Variants in ANGPT1 observed in about 807,000 individuals in gnomAD.
The protein encoded by ANGPT1 is angiopoietin-1.
Under a neutral mutation model 62.2 loss-of-function variants are expected in ANGPT1, and 17 were observed. The ratio of observed to expected loss-of-function variants is 0.27; its 90% CI spans 0.19 to 0.41. The LOEUF (loss-of-function observed/expected upper bound fraction) is 0.41. ANGPT1 is among the 10% of genes least tolerant of loss of function. The probability of loss-of-function intolerance (pLI) is 1.00; values close to 1 mark genes in which losing one functional copy is unlikely to be tolerated. For synonymous variants in ANGPT1, 199 were observed against 198.9 expected (o/e 1.00, Z 0.00); for missense variants, 478 against 594.9 (o/e 0.80, Z 2.04).
chr8:107,418,264 T>A (rs564733051), intron 1 of ANGPT1, among the ~76,000 whole-genome samples: 46 of 152,334 alleles, frequency 3.0e-4, no homozygotes, highest in Non-Finnish European at 6.3e-4. Flanking sequence ...GTCACCATTT[T>A]ACCATTTTCC....
intron 1 of ANGPT1, among the ~76,000 whole-genome samples, chr8:107,467,968 G>A (rs74590020): frequency 3.3e-5 from 5 of 152,242 alleles, no homozygotes; most frequent in Admixed American, 1.3e-4. Context: ...TGCTCGGAAA[G>A]AGCAAGTTAC....
intron 1 of ANGPT1, among the ~76,000 whole-genome samples, chr8:107,366,308 C>T (rs1816271911): frequency 6.6e-6 from 1 of 152,118 alleles, no homozygotes; most frequent in Non-Finnish European, 1.5e-5. Context: ...GATTAGAAGT[C>T]AGTCTTTTCT....
intron 7 of ANGPT1, among the ~76,000 whole-genome samples, chr8:107,269,844 C>A (rs185184485): frequency 6.6e-6 from 1 of 151,684 alleles, no homozygotes; most frequent in Non-Finnish European, 1.5e-5. Flanking sequence ...GTCCCTTCGA[C>A]GGATGACTAT....
At chr8:107,284,560 C>CAA in intron 7 of ANGPT1, 122 bp downstream of exon 7, 19 of 876,022 alleles carry the variant, frequency 2.2e-5, no homozygotes, top group East Asian at 3.5e-5. Context: ...TAGGTCTAGA[C>CAA]AAAAAAAAAA....
At chr8:107,342,624 C>T (rs1815717332) in intron 2 of ANGPT1, among the ~76,000 whole-genome samples, 1 of 152,242 alleles carries the variant, frequency 6.6e-6, no homozygotes, top group East Asian at 1.9e-4. Context: ...CCATAGGCTG[C>T]TGAGCCCTAT....
intron 2 of ANGPT1, among the ~76,000 whole-genome samples, chr8:107,338,729 G>A (rs964346933): frequency 6.6e-6 from 1 of 152,176 alleles, no homozygotes; most frequent in African/African-American, 2.4e-5. Flanking sequence ...TATAAATATT[G>A]GAGATGCACA....
intron 1 of ANGPT1, among the ~76,000 whole-genome samples, chr8:107,480,464 A>G (rs1183897788): frequency 1.3e-5 from 2 of 152,216 alleles, no homozygotes; most frequent in Non-Finnish European, 2.9e-5. Flanking sequence ...TATGGGGACA[A>G]TGCTCCAAAG....
intron 5 of ANGPT1, among the ~76,000 whole-genome samples, chr8:107,300,021 G>C (rs867919773): frequency 7.3e-6 from 1 of 136,978 alleles, no homozygotes; most frequent in African/African-American, 2.7e-5. Flanking sequence ...ATCTAGATAT[G>C]TAGTTATATC....
chr8:107,406,204 GTTCT>G (rs937154726), intron 1 of ANGPT1, among the ~76,000 whole-genome samples: 2 of 151,570 alleles, frequency 1.3e-5, no homozygotes, highest in Non-Finnish European at 3.0e-5. Context: ...TCTTCATCAT[GTTCT>G]TTGTCTTTTT....
intron 4 of ANGPT1, among the ~76,000 whole-genome samples, chr8:107,306,808 G>T (rs60901467): frequency 0.017 from 2,615 of 152,122 alleles, 71 homozygotes; most frequent in African/African-American, 0.058. Flanking sequence ...GTTTTGGGAG[G>T]TAGAGGCAGG....
intron 1 of ANGPT1, among the ~76,000 whole-genome samples, chr8:107,485,424 A>G (rs1202483060): frequency 6.6e-6 from 1 of 152,158 alleles, no homozygotes; most frequent in African/African-American, 2.4e-5. Context: ...AATTTAGGGT[A>G]GCTTAGAGCC....
At chr8:107,408,789 G>T (rs980132718) in intron 1 of ANGPT1, among the ~76,000 whole-genome samples, 2 of 152,138 alleles carry the variant, frequency 1.3e-5, no homozygotes, top group Non-Finnish European at 2.9e-5. Context: ...GGCTTTAGAG[G>T]CTTGGCTAAT....
intron 7 of ANGPT1, among the ~76,000 whole-genome samples, chr8:107,268,865 GAT>G (rs1425047275): frequency 6.6e-6 from 1 of 151,982 alleles, no homozygotes; most frequent in Non-Finnish European, 1.5e-5. Context: ...AGAAGGGACT[GAT>G]ATATTGAGGA....
intron 1 of ANGPT1, among the ~76,000 whole-genome samples, chr8:107,408,109 A>G (rs1563609283): frequency 6.6e-6 from 1 of 151,952 alleles, no homozygotes; most frequent in East Asian, 1.9e-4. Context: ...GTCAGGCCCA[A>G]TTAGATATAG....
chr8:107,424,820 T>C (rs896753502), intron 1 of ANGPT1, among the ~76,000 whole-genome samples: 12 of 152,248 alleles, frequency 7.9e-5, no homozygotes, highest in African/African-American at 2.7e-4. Context: ...AATTCATATA[T>C]TTGTTATACA....
chr8:107,396,573 G>A (rs1335762510), intron 1 of ANGPT1, among the ~76,000 whole-genome samples: 5 of 128,410 alleles, frequency 3.9e-5, no homozygotes, highest in African/African-American at 1.5e-4. Flanking sequence ...CCAGGCTAGA[G>A]TGCACACCAT....
chr8:107,273,605 T>C (rs911877991), intron 7 of ANGPT1, among the ~76,000 whole-genome samples: 1 of 152,010 alleles, frequency 6.6e-6, no homozygotes, highest in African/African-American at 2.4e-5. Context: ...TGTGTCCACA[T>C]TGCTCCTCTG....
chr8:107,356,050 C>T (rs971813919), intron 1 of ANGPT1, among the ~76,000 whole-genome samples: 1 of 152,178 alleles, frequency 6.6e-6, no homozygotes, highest in African/African-American at 2.4e-5. Context: ...GTGAGCTTAG[C>T]TTAGTTCCAT....
At chr8:107,406,293 C>T (rs974139630) in intron 1 of ANGPT1, among the ~76,000 whole-genome samples, 4 of 151,686 alleles carry the variant, frequency 2.6e-5, no homozygotes, top group African/African-American at 4.8e-5. Flanking sequence ...CATCTGTCTT[C>T]GGTTTCTTTC....
Sources: allele counts gnomAD v4.1 joint callset (sites outside exome capture counted in the v4.1 genomes callset), GRCh38; gene constraint gnomAD v4.1.1; transcripts MANE v1.5; gene names NCBI Gene and HGNC (gene_info 2026-07-23, HGNC 2026-07-21).